URB1: variants seen among roughly 807,000 people sequenced by gnomAD.
URB1 encodes the protein nucleolar pre-ribosomal-associated protein 1.
Under a neutral mutation model 242.3 loss-of-function variants are expected in URB1, and 197 were observed. The observed-to-expected ratio is 0.81, with a 90% CI of 0.72 to 0.91. URB1 has a LOEUF of 0.91. Ranked by LOEUF, URB1 falls within the 40% of genes least tolerant of loss-of-function variation. URB1 has a pLI of 0.00. For missense variants in URB1, 2,721 were observed against 2,860.5 expected (o/e 0.95, Z 1.11); for synonymous variants, 1,153 against 1,201.8 (o/e 0.96, Z 0.84).
At chr21:32,368,976 GCAGGGA>G (rs570029876) in intron 8 of URB1, among the ~76,000 whole-genome samples, 45 of 152,328 alleles carry the variant, frequency 3.0e-4, no homozygotes, top group African/African-American at 1.0e-3. Context: ...GACAAAACCA[GCAGGGA>G]GGAATCCATG....
At chr21:32,338,586 G>C (rs942550392) in intron 26 of URB1, 121 bp downstream of exon 26, 14 of 1,117,770 alleles carry the variant, frequency 1.3e-5, no homozygotes, top group Non-Finnish European at 1.6e-5. Flanking sequence ...TTCTGACACT[G>C]TCTTGGCAAT....
intron 9 of URB1, among the ~76,000 whole-genome samples, chr21:32,367,348 T>C (rs940398539): frequency 2.0e-5 from 3 of 152,160 alleles, no homozygotes; most frequent in Non-Finnish European, 2.9e-5. Flanking sequence ...ATGCAGCTCC[T>C]AGTAGGGGTG....
At position 32,347,218 on chromosome 21, in the gene URB1, G is replaced by A. The variant is rs772808391; in HGVS notation, c.3606C>T (p.His1202=). 7 of 1,550,524 alleles carry A rather than the reference G, an allele frequency of 4.5e-6. No individual in the cohort carries two copies. The African/African-American group carries it at 9.6e-5, about 21-fold the overall frequency. The stretch of plus-strand genomic sequence containing the variant: ...CCAGCACAGGGTCTCTCTGCAGAGT[G>A]TGGAGGAGCACTGTGTCCAGCTCGT... ...AVDELDTVLL[H]TLQRDPVLAP... is the part of the protein sequence containing the mutation. The change falls in exon 22 of 39, where the codon CAC becomes CAT. Residue 1202 remains histidine, a synonymous_variant. Transcript: ENST00000382751.
chr21:32,352,843 G>A lies in URB1; in HGVS notation c.2480C>T (p.Pro827Leu). The A allele has an allele frequency of 6.4e-7, 1 of 1,551,702 alleles. No individual in the cohort carries two copies. Among genetic ancestry groups the A allele is most frequent in the Non-Finnish European group, 8.7e-7 (1 of 1,147,010 alleles). The change falls in exon 19 of 39, where the codon CCC becomes CTC. Residue 827 changes from proline (P) to leucine (L), a missense_variant. By Grantham distance (98) the Pro-to-Leu change is moderately conservative. Coordinates refer to ENST00000382751, the MANE Select transcript of URB1 (RefSeq NM_014825.3). ...LTDLLHTQRDPLALCLLLQAY... is the reference protein window; with the variant it reads ...LTDLLHTQRDLLALCLLLQAY... The stretch of plus-strand genomic sequence containing the variant: ...CTGGAGCAGGAGACACAGAGCCAGG[G>A]GGTCCCTCTGGGTGTGGAGGAGGTC...
chr21:32,314,473 C>A lies in URB1; in HGVS notation c.*445G>T. On this transcript the variant is annotated 3_prime_UTR_variant, in exon 39 of 39. Coordinates refer to ENST00000382751, the MANE Select transcript of URB1 (RefSeq NM_014825.3). ...GTGCTGGGATTATAGGCGTGAGCCACCTCACCTGCTGAAAAATAAACTTTA... is the reference window on the plus strand; with the variant it reads ...GTGCTGGGATTATAGGCGTGAGCCAACTCACCTGCTGAAAAATAAACTTTA... The A allele has an allele frequency of 1.5e-6, 2 of 1,375,064 alleles. No homozygotes were observed. Among genetic ancestry groups the A allele is most frequent in the Non-Finnish European group, 2.1e-6 (2 of 965,510 alleles). 85.2% of individuals were successfully genotyped at this position (1,375,064 alleles called of 1,614,324 possible).
chr21:32,319,264 C>T lies in URB1; in HGVS notation c.5745G>A (p.Leu1915=). The part of the protein sequence containing the change: ...QEPAKRLALH[L]VNEFLYVLIV... ...TGAGAACATAAAGGAACTCATTGAC[C>T]AGGTGCAGGGCAAGCCGCTTGGCAG... The change falls in exon 36 of 39, where the codon CTG becomes CTA. Residue 1915 remains leucine, a synonymous_variant. Transcript: ENST00000382751. 1.3e-6 allele frequency: 2 copies of T among 1,551,182 alleles called. No individual in the cohort carries two copies. The highest frequency in any genetic ancestry group is 1.7e-6 in the Non-Finnish European group (2 of 1,146,756).
At chr21:32,377,705 T>C (rs2033474980) in intron 5 of URB1, among the ~76,000 whole-genome samples, 1 of 151,988 alleles carries the variant, frequency 6.6e-6, no homozygotes, top group African/African-American at 2.4e-5. Context: ...CCAGGGGCAG[T>C]CCAGATCTCC....
chr21:32,336,036 G>A (rs1367292899), intron 28 of URB1, among the ~76,000 whole-genome samples: 6 of 152,056 alleles, frequency 3.9e-5, no homozygotes, highest in East Asian at 3.9e-4. Flanking sequence ...ACCCGCCTCC[G>A]ACTTGCTCTC....
rs1004393363 is a variant in URB1, at chr21:32,366,624, T to A, written c.1329A>T (p.Ala443=). The change falls in exon 10 of 39, where the codon GCA becomes GCT. Residue 443 remains alanine (A), a synonymous_variant. Coordinates refer to ENST00000382751, the MANE Select transcript of URB1 (RefSeq NM_014825.3). ...LVCNKSMFTQ[A]LNLDSTSVRH... ...GGCAACCACATGGCCTTACGTTTAA[T>A]GCTTGGGTGAACATGCTCTTATTGC... 6.4e-7 allele frequency: 1 copy of A among 1,551,282 alleles called. No homozygotes were observed. The highest frequency in any genetic ancestry group is 2.4e-5 in the East Asian group (1 of 40,930).
chr21:32,386,163 AAAAG>A lies in URB1; in HGVS notation c.143-483_143-480del, dbSNP rs888928287. Reference sequence around the variant, plus strand: ...GACTCTGTCTCAGGAAAAAAAAAAAAAAAGAAAGAAAGAAACCCTAAGCCCTAAA... The same window carrying A: ...GACTCTGTCTCAGGAAAAAAAAAAAAAAAGAAAGAAACCCTAAGCCCTAAA... On this transcript the variant is annotated intron_variant, in intron 1 of 38. Transcript: ENST00000382751. Among the ~76,000 whole-genome samples, 10 of 152,100 alleles carry A rather than the reference AAAAG, an allele frequency of 6.6e-5. No individual in the cohort carries two copies. The East Asian group carries it at 1.5e-3, about 24-fold the overall frequency.
At chr21:32,355,622 T>A in intron 15 of URB1, 57 bp from the exon 16 acceptor site, 2 of 1,394,324 alleles carry the variant, frequency 1.4e-6, no homozygotes, top group Middle Eastern at 1.9e-4. Context: ...TTCTTTCTTT[T>A]CTTTGAGACA....
At chr21:32,375,272 A>G (rs781549837) in intron 6 of URB1, 126 bp downstream of exon 6, 1 of 542,544 alleles carries the variant, frequency 1.8e-6, no homozygotes, top group Non-Finnish European at 3.0e-6. Context: ...AGAGTTTTCC[A>G]CTCAACCAAT....
chr21:32,391,982 C>T (rs2146061790), intron 1 of URB1, among the ~76,000 whole-genome samples: 1 of 152,112 alleles, frequency 6.6e-6, no homozygotes, highest in South Asian at 2.1e-4. Context: ...TATGATAGTG[C>T]CACTGCACTT....
chr21:32,383,407 C>G lies in URB1; in HGVS notation c.567+15G>C. On this transcript the variant is annotated intron_variant, in intron 4 of 38. Coordinates refer to ENST00000382751, the MANE Select transcript of URB1 (RefSeq NM_014825.3). Reference sequence around the variant, plus strand: ...GGAGACCCATGGAAGGCACGAGACACTGTGGTCCCCTCACCTTTGAATCCC... The same window carrying G: ...GGAGACCCATGGAAGGCACGAGACAGTGTGGTCCCCTCACCTTTGAATCCC... The G allele has an allele frequency of 1.3e-6, 2 of 1,548,582 alleles. No individual in the cohort carries two copies. Among genetic ancestry groups the G allele is most frequent in the South Asian group, 1.2e-5 (1 of 83,632 alleles).
At chr21:32,377,968 C>G (rs1165832998) in intron 5 of URB1, among the ~76,000 whole-genome samples, 1 of 152,190 alleles carries the variant, frequency 6.6e-6, no homozygotes, top group Non-Finnish European at 1.5e-5. Context: ...AAGCCTCACT[C>G]TAGGGACACA....
At position 32,314,700 on chromosome 21, in the gene URB1, G is replaced by A; in HGVS notation, c.*218C>T. 1 of 1,579,136 alleles carries A rather than the reference G, an allele frequency of 6.3e-7. No individual in the cohort carries two copies. The highest frequency in any genetic ancestry group is 8.7e-7 in the Non-Finnish European group (1 of 1,148,512). On this transcript the variant is annotated 3_prime_UTR_variant, in exon 39 of 39. Coordinates refer to ENST00000382751, the MANE Select transcript of URB1 (RefSeq NM_014825.3). The stretch of plus-strand genomic sequence containing the variant: ...TGGCCTAGAAGTCCCCACATTCCTT[G>A]CAACTCTGATGCTGGGCACCTACAG...
rs1212572993 is a variant in URB1 at position 32,354,005 on chromosome 21, G to A, written c.2344C>T (p.Pro782Ser). The A allele has an allele frequency of 1.9e-6, 3 of 1,551,614 alleles. No individual in the cohort carries two copies. The African/African-American group carries it at 4.1e-5, about 21-fold the overall frequency. The change falls in exon 18 of 39, where the codon CCA (proline) becomes TCA (serine). Residue 782 changes from proline to serine, a missense_variant. Transcript: ENST00000382751. ...GCCGCAGGGACTACCGCACTGAATG[G>A]GAACGTGAGCAGGATCATGTCTTCA... ...LSEDMILLTF[P>S]FSAVVPAALE...
chr21:32,374,734 G>A (rs1422178222), intron 6 of URB1, among the ~76,000 whole-genome samples: 2 of 152,202 alleles, frequency 1.3e-5, no homozygotes, highest in Admixed American at 6.5e-5. Context: ...CATCCCTGCT[G>A]TCTCCCCACT....
Position 32,322,475 on chromosome 21 carries a change from T to C in URB1, c.5340+3A>G, listed in dbSNP as rs2123546287. On this transcript the variant is annotated splice_donor_region_variant and intron_variant, in intron 33 of 38. Coordinates refer to ENST00000382751, the MANE Select transcript of URB1 (RefSeq NM_014825.3). ...GAAAGCCGTGAGGACTCTGGAAGCATACCTCAAAGTCGGAGCTGTAGAAGA... is the reference window on the plus strand; with the variant it reads ...GAAAGCCGTGAGGACTCTGGAAGCACACCTCAAAGTCGGAGCTGTAGAAGA... 4 of 1,551,756 alleles carry C rather than the reference T, an allele frequency of 2.6e-6. No individual in the cohort carries two copies. Among genetic ancestry groups the C allele is most frequent in the Non-Finnish European group, 3.5e-6 (4 of 1,146,596 alleles).
Sources: allele counts gnomAD v4.1 joint callset (sites outside exome capture counted in the v4.1 genomes callset), GRCh38; gene constraint gnomAD v4.1.1; transcripts MANE v1.5; gene names NCBI Gene and HGNC (gene_info 2026-07-23, HGNC 2026-07-21).